CNTN5: variants seen among roughly 807,000 people sequenced by gnomAD.
CNTN5 encodes contactin 5, also known as contactin-5.
Under a neutral mutation model 129.1 loss-of-function variants are expected in CNTN5, and 77 were observed. The observed-to-expected ratio is 0.60, with a 90% CI of 0.50 to 0.72. CNTN5 has a LOEUF of 0.72. CNTN5 is among the 30% of genes least tolerant of loss of function. CNTN5 has a pLI of 0.00. For missense variants in CNTN5, 1,478 were observed against 1,328.8 expected (o/e 1.11, Z -1.75); for synonymous variants, 509 against 465.6 (o/e 1.09, Z -1.20).
At chr11:99,291,815 C>A (rs370094153) in intron 1 of CNTN5, among the ~76,000 whole-genome samples, 1 of 151,926 alleles carries the variant, frequency 6.6e-6, no homozygotes, top group African/African-American at 2.4e-5. Context: ...AGTCTAACAA[C>A]GCCTTTTATT....
intron 1 of CNTN5, among the ~76,000 whole-genome samples, chr11:99,112,976 T>C (rs1056689396): frequency 1.3e-5 from 2 of 152,050 alleles, no homozygotes; most frequent in Non-Finnish European, 2.9e-5. Flanking sequence ...CATTATTTCT[T>C]CTTTTGTAAA....
At chr11:99,319,646 A>G (rs7951425) in intron 1 of CNTN5, among the ~76,000 whole-genome samples, 47,589 of 152,112 alleles carry the variant, frequency 0.31, 7,526 homozygotes, top group Middle Eastern at 0.38. Flanking sequence ...CATTATTGAC[A>G]TCAATTAGTT....
At chr11:99,034,731 C>A (rs1010896526) in intron 1 of CNTN5, among the ~76,000 whole-genome samples, 2 of 152,082 alleles carry the variant, frequency 1.3e-5, no homozygotes, top group Non-Finnish European at 2.9e-5. Flanking sequence ...CTCCTGGATT[C>A]ATTAATTTTT....
chr11:99,949,357 T>C (rs899188486), intron 7 of CNTN5, among the ~76,000 whole-genome samples: 3 of 152,132 alleles, frequency 2.0e-5, no homozygotes, highest in African/African-American at 7.2e-5. Context: ...TAGTTCTCCA[T>C]ATATATCTTT....
intron 20 of CNTN5, among the ~76,000 whole-genome samples, chr11:100,307,871 C>A (rs1417358036): frequency 6.6e-6 from 1 of 151,514 alleles, no homozygotes; most frequent in Non-Finnish European, 1.5e-5. Context: ...TTAAAGCCAA[C>A]CTTTAAATCT....
At chr11:99,943,527 C>T (rs1950489179) in intron 7 of CNTN5, among the ~76,000 whole-genome samples, 1 of 152,060 alleles carries the variant, frequency 6.6e-6, no homozygotes, top group Non-Finnish European at 1.5e-5. Flanking sequence ...TGTAGCAGCT[C>T]TTTAGTTTAA....
In CNTN5 at chr11:99,916,027, G is replaced by T. The variant is rs1403919510; in HGVS notation, c.578-27G>T. The stretch of plus-strand genomic sequence containing the variant: ...ATTCTTTACATTCTTTTCTGCCTTG[G>T]ATCTAAATGTTTTATTATGTTGACA... On this transcript the variant is annotated intron_variant, in intron 6 of 24. Transcript: ENST00000524871. 3 of 1,550,710 alleles carry T rather than the reference G, an allele frequency of 1.9e-6. No homozygotes were observed. In the South Asian group the frequency reaches 3.4e-5, roughly 18 times the overall value.
Position 99,843,151 on chromosome 11 carries a change from G to T in CNTN5, c.278-1701G>T, listed in dbSNP as rs533799060. Among the ~76,000 whole-genome samples, 11 of 152,294 alleles carry T rather than the reference G, an allele frequency of 7.2e-5. No individual in the cohort carries two copies. In the South Asian group the frequency reaches 1.9e-3, roughly 26 times the overall value. On this transcript the variant is annotated intron_variant, in intron 4 of 24. Transcript: ENST00000524871. ...TGGCAGGATAATTGCTTGAACCTAG[G>T]AGGCAGAGGTTGCAGTGAGCCAAGA...
chr11:99,323,896 C>G (rs866182004), intron 1 of CNTN5, among the ~76,000 whole-genome samples: 4 of 151,288 alleles, frequency 2.6e-5, no homozygotes, highest in Non-Finnish European at 5.9e-5. Context: ...GGGACAAAAG[C>G]GAGGAAAAGA....
chr11:99,095,011 C>T (rs770327449), intron 1 of CNTN5, among the ~76,000 whole-genome samples: 8 of 151,726 alleles, frequency 5.3e-5, no homozygotes, highest in African/African-American at 9.7e-5. Context: ...ACTTTAACTT[C>T]TGGGATACAT....
intron 2 of CNTN5, among the ~76,000 whole-genome samples, chr11:99,438,700 C>T (rs533414249): frequency 3.4e-4 from 52 of 152,248 alleles, no homozygotes; most frequent in Middle Eastern, 3.4e-3. Context: ...ATTTTTCACT[C>T]ATTGAGGATC....
chr11:100,186,785 C>A (rs1311255761), intron 13 of CNTN5, among the ~76,000 whole-genome samples: 1 of 152,072 alleles, frequency 6.6e-6, no homozygotes, highest in Non-Finnish European at 1.5e-5. Context: ...AATGTAGAAG[C>A]CACATGGTAA....
At chr11:99,589,811 G>C (rs143750070) in intron 3 of CNTN5, among the ~76,000 whole-genome samples, 1 of 152,312 alleles carries the variant, frequency 6.6e-6, no homozygotes, top group African/African-American at 2.4e-5. Flanking sequence ...AATGGCACAT[G>C]TTTACAGAAG....
chr11:99,675,898 T>A (rs1188511372), intron 3 of CNTN5, among the ~76,000 whole-genome samples: 3 of 152,120 alleles, frequency 2.0e-5, no homozygotes, highest in Non-Finnish European at 4.4e-5. Flanking sequence ...TCTGACTTGT[T>A]ACTCTCTAGA....
At chr11:99,548,524 A>G (rs1285171986) in intron 2 of CNTN5, among the ~76,000 whole-genome samples, 1 of 152,112 alleles carries the variant, frequency 6.6e-6, no homozygotes, top group Non-Finnish European at 1.5e-5. Context: ...ATTGGCTGAG[A>G]CTTATTTTTC....
intron 2 of CNTN5, among the ~76,000 whole-genome samples, chr11:99,533,623 C>G (rs749226964): frequency 2.6e-5 from 4 of 152,218 alleles, no homozygotes; most frequent in Non-Finnish European, 5.9e-5. Flanking sequence ...CATACACTTA[C>G]ACTCAGGGCA....
chr11:99,639,559 GT>G (rs71050010), intron 3 of CNTN5, among the ~76,000 whole-genome samples: 1,404 of 70,238 alleles, frequency 0.02, 9 homozygotes, highest in African/African-American at 0.075. Flanking sequence ...TCACCTTTAT[GT>G]TTTTTTTTTT....
At chr11:100,259,305 A>T (rs1161711191) in intron 17 of CNTN5, among the ~76,000 whole-genome samples, 3 of 152,118 alleles carry the variant, frequency 2.0e-5, no homozygotes, top group Non-Finnish European at 4.4e-5. Context: ...GCAAGTCCTT[A>T]GAGATCTACA....
At chr11:99,619,225 AT>A (rs1234427138) in intron 3 of CNTN5, among the ~76,000 whole-genome samples, 4 of 152,146 alleles carry the variant, frequency 2.6e-5, no homozygotes, top group Non-Finnish European at 4.4e-5. Context: ...TAACAATGTT[AT>A]TTATATATCC....
Sources: allele counts gnomAD v4.1 joint callset (sites outside exome capture counted in the v4.1 genomes callset), GRCh38; gene constraint gnomAD v4.1.1; transcripts MANE v1.5; gene names NCBI Gene and HGNC (gene_info 2026-07-23, HGNC 2026-07-21).